The following SREBF2 variants were observed in gnomAD, a reference collection of about 807,000 sequenced individuals.
The protein encoded by SREBF2 is sterol regulatory element binding transcription factor 2.
A neutral mutation model predicts 113.1 loss-of-function variants in SREBF2; 55 were observed. The ratio of observed to expected loss-of-function variants is 0.49; its 90% CI spans 0.39 to 0.61. The LOEUF is 0.61. SREBF2 is among the 20% of genes least tolerant of loss of function. The pLI is 0.00. For synonymous variants in SREBF2, 593 were observed against 605.7 expected, an observed-to-expected ratio of 0.98 and a Z score of 0.31; for missense variants, 1,349 against 1,487.4, an observed-to-expected ratio of 0.91 and a Z score of 1.53.
At chr22:41,834,670 T>G in intron 1 of SREBF2, 1 of 152,434 alleles carries the variant, frequency 6.6e-6, no homozygotes. Context: ...TTTTGTAATA[T>G]TTCTCCCCTT....
At position 41,833,505 on chromosome 22, in the gene SREBF2, A is replaced by G. The variant is rs774646214; in HGVS notation, c.88+147A>G. ...CGCACGGTGCCCCCGGCGGTCCTCA[A>G]CCCTTCCGGCGCTGCGAGCGTGAGC... On this transcript the variant is annotated intron_variant, in intron 1 of 18. Transcript: ENST00000361204. This position sits in a 1 kb window ranked among gnomAD's most constrained non-coding sequence, Gnocchi z 4.1. 1.7e-6 allele frequency: 1 copy of G among 586,434 alleles called. No homozygotes were observed. Among genetic ancestry groups the G allele is most frequent in the Non-Finnish European group, 2.8e-6 (1 of 361,690 alleles). The allele number at this position is 586,434 out of a possible 1,614,324, so 36.3% of individuals were successfully genotyped here.
At chr22:41,897,464 C>T (rs1270548580) in intron 14 of SREBF2, among the ~76,000 whole-genome samples, 1 of 152,198 alleles carries the variant, frequency 6.6e-6, no homozygotes, top group African/African-American at 2.4e-5. Flanking sequence ...GGCCCAGGCA[C>T]CAGGGATGGT....
At position 41,884,984 on chromosome 22, in the gene SREBF2, G is replaced by A; in HGVS notation, c.2181G>A (p.Arg727=). The part of the protein sequence containing the change: ...HLTAAMGLKT[R]CGGKLGFLAS... ...CTGCTGCCATGGGGCTCAAGACCCG[G>A]TGTGGAGGCAAGCTGGGCTTCCTGG... The change falls in exon 11 of 19, where the codon CGG becomes CGA. Residue 727 remains arginine, a synonymous_variant. Transcript: ENST00000361204. 5 of 1,614,194 alleles carry A rather than the reference G, an allele frequency of 3.1e-6. No individual in the cohort carries two copies. Among genetic ancestry groups the A allele is most frequent in the Non-Finnish European group, 4.2e-6 (5 of 1,180,038 alleles).
intron 11 of SREBF2, among the ~76,000 whole-genome samples, chr22:41,886,603 C>G (rs1377988799): frequency 6.6e-6 from 1 of 152,166 alleles, no homozygotes; most frequent in Non-Finnish European, 1.5e-5. Flanking sequence ...TTCCCAGCAC[C>G]CCCAGAAGCC....
intron 1 of SREBF2, among the ~76,000 whole-genome samples, chr22:41,837,240 G>A (rs143182648): frequency 6.6e-6 from 1 of 152,066 alleles, no homozygotes; most frequent in East Asian, 1.9e-4. Flanking sequence ...AAGAGATGCC[G>A]AAGTCTGGAT....
intron 11 of SREBF2, among the ~76,000 whole-genome samples, chr22:41,889,864 C>T (rs5996077): frequency 4.6e-4 from 70 of 151,606 alleles, no homozygotes; most frequent in Non-Finnish European, 8.8e-4. Flanking sequence ...AGCCAGGGAT[C>T]GTAGCACGCA....
In SREBF2 at chr22:41,891,976, G is replaced by T. The variant is rs529845403; in HGVS notation, c.2209-1141G>T. 1.5e-4 allele frequency among the ~76,000 whole-genome samples: 23 copies of T among 152,352 alleles called. No individual in the cohort carries two copies. The South Asian group carries it at 4.3e-3, about 29-fold the overall frequency. On this transcript the variant is annotated intron_variant, in intron 11 of 18. Transcript: ENST00000361204. ...TGATGTTATCCCGGCAAGTGGAGGA[G>T]GGGCCCAGTGACCGGGGCCCTGGCT...
intron 10 of SREBF2, 151 bp downstream of exon 10, chr22:41,881,143 C>CAG: frequency 9.3e-7 from 1 of 1,072,986 alleles, no homozygotes; most frequent in Non-Finnish European, 1.3e-6. Context: ...CCTGTTTTCA[C>CAG]AGCTGTAAGG....
chr22:41,888,159 TCTTTTC>T (rs1180620191), intron 11 of SREBF2, among the ~76,000 whole-genome samples: 1 of 152,238 alleles, frequency 6.6e-6, no homozygotes, highest in African/African-American at 2.4e-5. Flanking sequence ...AGATTATTAG[TCTTTTC>T]CTTTACAGTT....
chr22:41,849,499 A>G (rs1195856506), intron 1 of SREBF2, among the ~76,000 whole-genome samples: 2 of 152,068 alleles, frequency 1.3e-5, no homozygotes, highest in African/African-American at 4.8e-5. Flanking sequence ...CCGCCCCAAC[A>G]GATGTTTTTA....
At position 41,875,463 on chromosome 22, in the gene SREBF2, G is replaced by A; in HGVS notation, c.1204+12G>A. On this transcript the variant is annotated intron_variant, in intron 6 of 18. Transcript: ENST00000361204. ...AAATCAAAAGAACAGTAAGTGTGCT[G>A]AGAAAAGGCTTGTCAGCCCTGGCCC... is the stretch of plus-strand genomic sequence containing the variant. 3 of 1,614,210 alleles carry A rather than the reference G, an allele frequency of 1.9e-6. No homozygotes were observed. The highest frequency in any genetic ancestry group is 2.5e-6 in the Non-Finnish European group (3 of 1,180,030).
chr22:41,888,925 C>T (rs1257961960), intron 11 of SREBF2, among the ~76,000 whole-genome samples: 1 of 152,142 alleles, frequency 6.6e-6, no homozygotes, highest in Non-Finnish European at 1.5e-5. Context: ...AAGGAAGAAG[C>T]TTTGAATTTG....
intron 1 of SREBF2, among the ~76,000 whole-genome samples, chr22:41,852,349 T>A (rs2076940050): frequency 6.6e-6 from 1 of 152,186 alleles, no homozygotes; most frequent in Non-Finnish European, 1.5e-5. Context: ...TTAATTAATT[T>A]TTCAAAGATA....
In SREBF2 at chr22:41,903,100, G is replaced by A. The variant is rs773088672; in HGVS notation, c.3038G>A (p.Arg1013Gln). 17 of 1,574,156 alleles carry A rather than the reference G, an allele frequency of 1.1e-5. No individual in the cohort carries two copies. The highest frequency in any genetic ancestry group is 7.1e-5 in the East Asian group (3 of 42,288). The change falls in exon 17 of 19, where the codon CGG becomes CAG. Residue 1013 changes from arginine (R) to glutamine (Q), a missense_variant. By Grantham distance (43) the Arg-to-Gln change is conservative (BLOSUM62 1). Around this residue, in one of 2 missense-constraint regions of SREBF2, gnomAD observed 650 missense variants for 644.1 expected, o/e 1.01. Transcript: ENST00000361204. ...GGCGCTGAACTGGCGGGCTTCCAACGGGACCTGGGCAGCCTGCGCAGGCTG... is the reference window on the plus strand; with the variant it reads ...GGCGCTGAACTGGCGGGCTTCCAACAGGACCTGGGCAGCCTGCGCAGGCTG... ...ASGAELAGFQ[R>Q]DLGSLRRLAH... is the part of the protein sequence containing the mutation.
At chr22:41,840,643 C>T (rs531688593) in intron 1 of SREBF2, among the ~76,000 whole-genome samples, 1 of 152,296 alleles carries the variant, frequency 6.6e-6, no homozygotes, top group African/African-American at 2.4e-5. Context: ...ATTTTGAAGG[C>T]ATTGTCTGAT....
At position 41,900,398 on chromosome 22, in the gene SREBF2, A is replaced by G; in HGVS notation, c.2807A>G (p.Asp936Gly). 1 of 1,613,912 alleles carries G rather than the reference A, an allele frequency of 6.2e-7. No individual in the cohort carries two copies. The highest frequency in any genetic ancestry group is 8.5e-7 in the Non-Finnish European group (1 of 1,180,040). ...CATGCCTCACTCCCTGGGAAAGCAG[A>G]TGGGCAGCAGAGTTCCTTCTGCCAT... ...AMHASLPGKADGQQSSFCHCE... is the reference protein window; with the variant it reads ...AMHASLPGKAGGQQSSFCHCE... Residue 936 changes from aspartate to glycine, a missense_variant, in exon 16 of 19, where the codon GAT (aspartate) becomes GGT (glycine). Around this residue, in one of 2 missense-constraint regions of SREBF2, gnomAD observed 650 missense variants for 644.1 expected, o/e 1.01. Coordinates refer to ENST00000361204, the MANE Select transcript of SREBF2 (RefSeq NM_004599.4).
Position 41,898,643 on chromosome 22 carries a change from C to T in SREBF2, c.2606-6C>T. Reference sequence around the variant, plus strand: ...CTGGAGTGCGTTTGGTGCTGTTCTCCTCTAGGTCCAGACATCATCTGTCGG... The same window carrying T: ...CTGGAGTGCGTTTGGTGCTGTTCTCTTCTAGGTCCAGACATCATCTGTCGG... On this transcript the variant is annotated splice_region_variant and splice_polypyrimidine_tract_variant and intron_variant, in intron 14 of 18. Transcript: ENST00000361204. 6.2e-7 allele frequency: 1 copy of T among 1,613,872 alleles called. No individual in the cohort carries two copies. The highest frequency in any genetic ancestry group is 8.5e-7 in the Non-Finnish European group (1 of 1,179,956).
Position 41,878,491 on chromosome 22 carries a change from G to C in SREBF2, c.1761+368G>C, listed in dbSNP as rs1202795624. ...CAGGTTCCAGGGTGTGTTGAGTGTA[G>C]GTTATGTCAGAGAGAGTTGAAGGCA... On this transcript the variant is annotated intron_variant, in intron 9 of 18. Transcript: ENST00000361204. 2.0e-5 allele frequency among the ~76,000 whole-genome samples: 3 copies of C among 152,166 alleles called. No homozygotes were observed. The East Asian group carries it at 5.8e-4, about 29-fold the overall frequency.
chr22:41,905,667 G>A lies in SREBF2; in HGVS notation c.*7G>A, dbSNP rs2077502048. 5 of 1,567,584 alleles carry A rather than the reference G, an allele frequency of 3.2e-6. No individual in the cohort carries two copies. Among genetic ancestry groups the A allele is most frequent in the African/African-American group, 2.7e-5 (2 of 73,876 alleles). ...TGCCATTGCCGCCTCCTGACCACCA[G>A]GCTCAGCCCACCCCTCCACCTCTCT... On this transcript the variant is annotated 3_prime_UTR_variant, in exon 19 of 19. Transcript: ENST00000361204.
Sources: allele counts gnomAD v4.1 joint callset (sites outside exome capture counted in the v4.1 genomes callset), GRCh38; gene constraint gnomAD v4.1.1; regional missense constraint gnomAD v4.1.1; non-coding constraint Gnocchi (gnomAD v3.1); transcripts MANE v1.5; gene names NCBI Gene and HGNC (gene_info 2026-07-23, HGNC 2026-07-21).